The following PDGFA variants were observed in gnomAD, a reference collection of about 807,000 sequenced individuals.
The protein encoded by PDGFA is platelet-derived growth factor subunit A.
A neutral mutation model predicts 25.6 loss-of-function variants in PDGFA; 9 were observed. The observed-to-expected ratio is 0.35, with a 90% CI of 0.21 to 0.61. The LOEUF is 0.61. Among genes scored for constraint, PDGFA ranks in the 20% least tolerant of loss-of-function variants. The pLI is 0.75. For synonymous variants in PDGFA, 133 were observed against 111.8 expected (o/e 1.19, Z -1.20); for missense variants, 242 against 272.8 (o/e 0.89, Z 0.79).
Position 500,955 on chromosome 7 carries a change from C to A in PDGFA, c.580+161G>T, listed in dbSNP as rs775325274. ...CCTGCAGGTGTGGGATCCGTCTCCCCCGCAGGCATCTGGCCCGGGAGCAGG... is the reference window on the plus strand; with the variant it reads ...CCTGCAGGTGTGGGATCCGTCTCCCACGCAGGCATCTGGCCCGGGAGCAGG... On this transcript the variant is annotated intron_variant, in intron 5 of 5. Transcript: ENST00000402802. This position sits in a 1 kb window ranked among gnomAD's most constrained non-coding sequence, Gnocchi z 5.0. 13 of 1,595,668 alleles carry A rather than the reference C, an allele frequency of 8.1e-6. No individual in the cohort carries two copies. The highest frequency in any genetic ancestry group is 1.3e-5 in the African/African-American group (1 of 74,874).
At position 500,927 on chromosome 7, in the gene PDGFA, ACACCTG is replaced by A; in HGVS notation, c.580+183_580+188del. The A allele has an allele frequency of 6.3e-7, 1 of 1,590,396 alleles. No individual in the cohort carries two copies. The highest frequency in any genetic ancestry group is 8.5e-7 in the Non-Finnish European group (1 of 1,175,650). ...CAGCTTGGGCCACCCTCCCCACCGGACACCTGCAGGTGTGGGATCCGTCTCCCCCGC... is the reference window on the plus strand; with the variant it reads ...CAGCTTGGGCCACCCTCCCCACCGGACAGGTGTGGGATCCGTCTCCCCCGC... On this transcript the variant is annotated intron_variant, in intron 5 of 5. Transcript: ENST00000402802. The surrounding 1 kb of genome is among the most constrained non-coding windows in gnomAD (Gnocchi z 5.0).
At chr7:499,801 T>C (rs1202405497) in intron 5 of PDGFA, among the ~76,000 whole-genome samples, 2 of 143,992 alleles carry the variant, frequency 1.4e-5, no homozygotes, top group African/African-American at 5.2e-5. Context: ...CCTTGGGCCA[T>C]GAGGCAACTG....
chr7:504,308 C>G (rs879848409), intron 4 of PDGFA, among the ~76,000 whole-genome samples: 1 of 152,044 alleles, frequency 6.6e-6, no homozygotes, highest in Non-Finnish European at 1.5e-5. Context: ...AGGCCCGGCC[C>G]GAGGATGAAC....
intron 4 of PDGFA, among the ~76,000 whole-genome samples, chr7:504,028 G>A (rs947380418): frequency 2.0e-5 from 3 of 152,146 alleles, no homozygotes; most frequent in African/African-American, 2.4e-5. Flanking sequence ...CGCAGGCCGT[G>A]CACACACTTC....
At chr7:497,566 G>T (rs1387499305) in exon 6 of PDGFA, 2 of 152,232 alleles carry the variant, frequency 1.3e-5, no homozygotes, top group African/African-American at 4.8e-5. Context: ...AGCATTCTAG[G>T]TGTGCACTGC....
Position 504,253 on chromosome 7 carries a change from G to A in PDGFA, c.454-3011C>T, listed in dbSNP as rs375480546. On this transcript the variant is annotated intron_variant, in intron 4 of 5. Coordinates refer to ENST00000402802, the Ensembl canonical transcript of PDGFA. ...CCACCACCCACCCACCACAGGCAGA[G>A]AGTGGGTCTAGAGCCACCCTCCTGT... is the stretch of plus-strand genomic sequence containing the variant. 1.7e-3 allele frequency among the ~76,000 whole-genome samples: 257 copies of A among 152,088 alleles called. 4 individuals are homozygous for A. The highest frequency in any genetic ancestry group is 0.014 in the Middle Eastern group (4 of 294).
rs995608169 is a variant in PDGFA at position 517,178 on chromosome 7, T to C, written c.160+216A>G. 2.0e-5 allele frequency among the ~76,000 whole-genome samples: 3 copies of C among 151,638 alleles called. No homozygotes were observed. The highest frequency in any genetic ancestry group is 2.9e-5 in the Non-Finnish European group (2 of 67,890). On this transcript the variant is annotated intron_variant, in intron 2 of 5. Coordinates refer to ENST00000402802, the Ensembl canonical transcript of PDGFA. The surrounding 1 kb of genome is among the most constrained non-coding windows in gnomAD (Gnocchi z 7.4). ...GCGTTTTCCTTAAAGGCGAAAACAATCCCGGGGCGAGCGAGCAGCCCTCGG... is the reference window on the plus strand; with the variant it reads ...GCGTTTTCCTTAAAGGCGAAAACAACCCCGGGGCGAGCGAGCAGCCCTCGG...
rs544944611 is a variant in PDGFA at position 507,542 on chromosome 7, A to T, written c.453+3267T>A. Reference sequence around the variant, plus strand: ...TGTAGGGCCAAGCCCTCCTATCCTCACCCCATGACAGGCCAGGGTGGGAAG... The same window carrying T: ...TGTAGGGCCAAGCCCTCCTATCCTCTCCCCATGACAGGCCAGGGTGGGAAG... On this transcript the variant is annotated intron_variant, in intron 4 of 5. Transcript: ENST00000402802. Among the ~76,000 whole-genome samples, 17 of 151,964 alleles carry T rather than the reference A, an allele frequency of 1.1e-4. No individual in the cohort carries two copies. The East Asian group carries it at 3.1e-3, about 28-fold the overall frequency.
chr7:507,162 G>T lies in PDGFA; in HGVS notation c.453+3647C>A, dbSNP rs916017154. On this transcript the variant is annotated intron_variant, in intron 4 of 5. Coordinates refer to ENST00000402802, the Ensembl canonical transcript of PDGFA. ...TCTGACCTTTGTCCCCTCAGCCAAAGCCCCCTGGGTCCAAAGCCGGATGTT... is the reference window on the plus strand; with the variant it reads ...TCTGACCTTTGTCCCCTCAGCCAAATCCCCCTGGGTCCAAAGCCGGATGTT... Among the ~76,000 whole-genome samples the T allele has an allele frequency of 2.0e-5, 3 of 152,214 alleles. No homozygotes were observed. In the East Asian group the frequency reaches 5.8e-4, roughly 29 times the overall value.
intron 4 of PDGFA, among the ~76,000 whole-genome samples, chr7:509,292 T>G (rs1782697060): frequency 6.6e-6 from 1 of 152,100 alleles, no homozygotes. Context: ...TAAGTCCTTT[T>G]TTCTCTTTTT....
intron 4 of PDGFA, among the ~76,000 whole-genome samples, chr7:502,314 C>A (rs1782376930): frequency 6.6e-6 from 1 of 152,086 alleles, no homozygotes; most frequent in Non-Finnish European, 1.5e-5. Flanking sequence ...CTTGAGCGTC[C>A]AGATGATAAT....
Position 500,500 on chromosome 7 carries a change from C to T in PDGFA, c.580+616G>A. 6.2e-7 allele frequency: 1 copy of T among 1,614,046 alleles called. No individual in the cohort carries two copies. Among genetic ancestry groups the T allele is most frequent in the South Asian group, 1.1e-5 (1 of 91,072 alleles). Reference sequence around the variant, plus strand: ...TTTTTACCTGACTCCCTAGGCCTTCCTGTTAACAAAAGGGCAGGGCGGTGA... The same window carrying T: ...TTTTTACCTGACTCCCTAGGCCTTCTTGTTAACAAAAGGGCAGGGCGGTGA... On this transcript the variant is annotated intron_variant, in intron 5 of 5. Coordinates refer to ENST00000402802, the Ensembl canonical transcript of PDGFA. The surrounding 1 kb of genome is among the most constrained non-coding windows in gnomAD (Gnocchi z 5.0).
exon 6 of PDGFA, chr7:497,968 AAAAAACAAAAC>A (rs1782158529): frequency 2.3e-5 from 3 of 132,044 alleles, no homozygotes; most frequent in Non-Finnish European, 3.2e-5. Flanking sequence ...ACAAAAAAAA[AAAAAACAAAAC>A]AAAAACAAAA....
intron 2 of PDGFA, among the ~76,000 whole-genome samples, chr7:516,430 A>C (rs1299336785): frequency 6.6e-6 from 1 of 152,124 alleles, no homozygotes; most frequent in Non-Finnish European, 1.5e-5. Flanking sequence ...GGAGAGAAGA[A>C]TCTTCATGTC....
chr7:512,793 A>G, intron 2 of PDGFA: 2 of 604,716 alleles, frequency 3.3e-6, no homozygotes, highest in Non-Finnish European at 4.9e-6. Flanking sequence ...AAGGTAGCCC[A>G]GGTGAGGGCT....
intron 3 of PDGFA, 98 bp from the exon 4 acceptor site, chr7:511,094 G>A: frequency 1.1e-6 from 1 of 937,392 alleles, no homozygotes; most frequent in South Asian, 1.5e-5. Flanking sequence ...GGGGCAACCA[G>A]GGTAAGCCAC....
chr7:502,357 C>A (rs1782378094), intron 4 of PDGFA, among the ~76,000 whole-genome samples: 2 of 102,494 alleles, frequency 2.0e-5, no homozygotes, highest in South Asian at 5.2e-4. Flanking sequence ...GCCCCACCTC[C>A]CCGCCGGCCC....
upstream of PDGFA, chr7:520,681 G>A (rs1275924273): frequency 6.6e-6 from 1 of 152,320 alleles, no homozygotes; most frequent in East Asian, 1.9e-4. Flanking sequence ...GGCGCACAGA[G>A]CGCCACCTCC....
intron 4 of PDGFA, among the ~76,000 whole-genome samples, chr7:506,460 C>T (rs1016911744): frequency 4.2e-4 from 64 of 152,040 alleles, no homozygotes; most frequent in African/African-American, 1.2e-3. Context: ...TGGACAGAGT[C>T]GTGGCTGGGA....
Sources: gnomAD v4.1 joint callset for allele counts (sites outside exome capture counted in the v4.1 genomes callset) on GRCh38, gnomAD v4.1.1 for gene constraint, Gnocchi (gnomAD v3.1) non-coding constraint, MANE v1.5 for transcripts, NCBI Gene and HGNC (gene_info 2026-07-23, HGNC 2026-07-21) for gene names.